Variants in SYNE2 observed in about 807,000 individuals in gnomAD.
SYNE2 encodes spectrin repeat containing nuclear envelope protein 2.
In SYNE2, 431 loss-of-function variants were observed where a neutral mutation model predicts 856.3. The ratio of observed to expected loss-of-function variants is 0.50; its 90% CI spans 0.47 to 0.55. The LOEUF is 0.55. Among genes scored for constraint, SYNE2 ranks in the 20% least tolerant of loss-of-function variants. The pLI is 0.00. For synonymous variants in SYNE2, 2,923 were observed against 2,872.3 expected, an observed-to-expected ratio of 1.02 and a Z score of -0.56; for missense variants, 8,129 against 8,023.2, an observed-to-expected ratio of 1.01 and a Z score of -0.50.
Position 63,967,705 on chromosome 14 carries a change from G to T in SYNE2, c.991-4G>T, listed in dbSNP as rs1595926377. ...CAATCTTTAAAATACTCTTCTAATT[G>T]CAGAGCCTGCTGTCCTTTATGGAGT... On this transcript the variant is annotated splice_polypyrimidine_tract_variant and splice_region_variant and intron_variant, in intron 10 of 115. Coordinates refer to ENST00000555002, the MANE Select transcript of SYNE2 (RefSeq NM_182914.3). 1.2e-6 allele frequency: 2 copies of T among 1,613,640 alleles called. No individual in the cohort carries two copies. The highest frequency in any genetic ancestry group is 1.7e-6 in the Non-Finnish European group (2 of 1,179,694).
chr14:63,976,741 A>G lies in SYNE2; in HGVS notation c.1293+14A>G, dbSNP rs2096546408. 1 of 1,612,674 alleles carries G rather than the reference A, an allele frequency of 6.2e-7. No individual in the cohort carries two copies. The highest frequency in any genetic ancestry group is 8.5e-7 in the Non-Finnish European group (1 of 1,178,802). On this transcript the variant is annotated intron_variant, in intron 12 of 115. Coordinates refer to ENST00000555002, the MANE Select transcript of SYNE2 (RefSeq NM_182914.3). ...ACTTTATTCAAGGTTGGAAAAGAAA[A>G]AAAAGAGATGTAGGAAAATACATAT...
intron 31 of SYNE2, among the ~76,000 whole-genome samples, chr14:64,008,229 C>T (rs537841178): frequency 1.4e-4 from 21 of 152,348 alleles, no homozygotes; most frequent in Non-Finnish European, 2.8e-4. Flanking sequence ...CTTATGATTA[C>T]ACCAGGCCCA....
intron 80 of SYNE2, 115 bp from the exon 81 acceptor site, chr14:64,141,226 G>GTGTA (rs1555507275): frequency 4.1e-5 from 32 of 773,842 alleles, no homozygotes; most frequent in African/African-American, 1.1e-4. Flanking sequence ...GTGTGTGTGT[G>GTGTA]TATACACATT....
intron 100 of SYNE2, chr14:64,204,338 T>C (rs2098595086): frequency 6.6e-6 from 1 of 152,212 alleles, no homozygotes; most frequent in Non-Finnish European, 1.5e-5. Context: ...TGAATGTCTT[T>C]GAACAGACTG....
intron 93 of SYNE2, 124 bp from the exon 94 acceptor site, chr14:64,170,104 A>G: frequency 1.1e-6 from 1 of 899,426 alleles, no homozygotes. Flanking sequence ...AGGTGTTTAG[A>G]AGTTGGGATT....
At chr14:63,848,879 C>G (rs1256953029), upstream of SYNE2, among the ~76,000 whole-genome samples, 1 of 152,222 alleles carries the variant, frequency 6.6e-6, no homozygotes. Context: ...ATCATGGCAT[C>G]TTCCTTTTAA....
At chr14:63,774,849 G>A (rs8003438) in intron 1 of SYNE2, among the ~76,000 whole-genome samples, 3,420 of 152,208 alleles carry the variant, frequency 0.022, 129 homozygotes, top group African/African-American at 0.078. Flanking sequence ...ATGCAAGGCA[G>A]CATGTTAGGC....
In SYNE2 at chr14:64,052,316, C is replaced by T. The variant is rs189676726; in HGVS notation, c.8403C>T (p.Gly2801=). The T allele has an allele frequency of 2.1e-4, 333 of 1,614,084 alleles. 1 individual carries two copies. Among genetic ancestry groups the T allele is most frequent in the African/African-American group, 1.8e-3 (136 of 75,016 alleles). Residue 2801 remains glycine, a synonymous_variant, in exon 48 of 116, where the codon GGC becomes GGT. Coordinates refer to ENST00000555002, the MANE Select transcript of SYNE2 (RefSeq NM_182914.3). ...DKVPSLTTYE[G]SDLNNTLEDL... is the part of the protein sequence containing the mutation. ...TTCCTAGCCTTACAACCTATGAGGG[C>T]AGTGATTTAAATAATACCCTAGAGG...
chr14:64,053,775 C>A, intron 48 of SYNE2, 118 bp downstream of exon 48: 2 of 959,688 alleles, frequency 2.1e-6, no homozygotes, highest in Non-Finnish European at 3.1e-6. Context: ...ACCAGCCTGG[C>A]CAACATGGCA....
intron 1 of SYNE2, among the ~76,000 whole-genome samples, chr14:63,797,292 G>A (rs1218503458): frequency 6.6e-6 from 1 of 151,410 alleles, no homozygotes; most frequent in Non-Finnish European, 1.5e-5. Flanking sequence ...TAGGGAGGCT[G>A]AGGCAGGAGA....
intron 65 of SYNE2, chr14:64,112,945 T>C (rs2097823384): frequency 1.1e-6 from 1 of 943,872 alleles, no homozygotes; most frequent in African/African-American, 1.8e-5. Flanking sequence ...TCTGTTGGAA[T>C]AGAGTGTGCA....
intron 1 of SYNE2, among the ~76,000 whole-genome samples, chr14:63,855,876 A>C (rs2140054587): frequency 6.6e-6 from 1 of 152,220 alleles, no homozygotes; most frequent in African/African-American, 2.4e-5. Flanking sequence ...TGTTGAGTGG[A>C]AAGAAGGGTA....
chr14:63,948,166 T>C (rs58679276), intron 6 of SYNE2, among the ~76,000 whole-genome samples: 15,079 of 147,336 alleles, frequency 0.1, 1,024 homozygotes, highest in African/African-American at 0.18. Context: ...GACACACACA[T>C]ACACACACAC....
intron 45 of SYNE2, among the ~76,000 whole-genome samples, chr14:64,036,068 C>T (rs2097087157): frequency 6.6e-6 from 1 of 151,858 alleles, no homozygotes; most frequent in African/African-American, 2.4e-5. Flanking sequence ...ACTGTGTGAC[C>T]TTTTAAATCC....
intron 8 of SYNE2, chr14:63,960,871 C>G: frequency 1.6e-6 from 1 of 620,138 alleles, no homozygotes; most frequent in Non-Finnish European, 2.9e-6. Flanking sequence ...ATAGAGAGAC[C>G]CTGTCTAAAA....
rs1555352398 is a variant in SYNE2 at position 63,865,724 on chromosome 14, C to CG, written c.-52+12581_-52+12582insG. 7.1e-4 allele frequency among the ~76,000 whole-genome samples: 68 copies of CG among 95,406 alleles called. 2 individuals carry two copies. The highest frequency in any genetic ancestry group is 1.1e-3 in the Non-Finnish European group (53 of 46,174). 62.6% of individuals were successfully genotyped at this position (95,406 alleles called of 152,430 possible). A position where few individuals can be genotyped will look rare whatever the true frequency, so the allele number is the denominator to read the frequency against. On this transcript the variant is annotated intron_variant, in intron 1 of 115. Transcript: ENST00000555002. ...CAAAACTCTGTACCCACCCCCCCCC[C>CG]AAAAAAAAAGAAAAGAAAAAAGAAA...
chr14:64,167,081 C>T (rs1199585365), intron 90 of SYNE2, 152 bp from the exon 91 acceptor site: 2 of 890,846 alleles, frequency 2.2e-6, no homozygotes, highest in East Asian at 5.3e-5. Flanking sequence ...AATTCAGGTC[C>T]CACTCTAACA....
chr14:64,113,232 G>C (rs2097826381), intron 65 of SYNE2, 109 bp from the exon 66 acceptor site: 1 of 1,586,104 alleles, frequency 6.3e-7, no homozygotes, highest in Admixed American at 1.8e-5. Context: ...TCCTTCTTCT[G>C]TCCTGATTTT....
At chr14:64,002,687 T>A in intron 29 of SYNE2, 33 bp from the exon 30 acceptor site, 1 of 1,607,526 alleles carries the variant, frequency 6.2e-7, no homozygotes, top group Non-Finnish European at 8.5e-7. Flanking sequence ...TTTTTCCACC[T>A]CAGTGTTTTA....
Sources: allele counts gnomAD v4.1 joint callset (sites outside exome capture counted in the v4.1 genomes callset), GRCh38; gene constraint gnomAD v4.1.1; transcripts MANE v1.5; gene names NCBI Gene and HGNC (gene_info 2026-07-23, HGNC 2026-07-21).